The following HS3ST4 variants were observed in gnomAD, a reference collection of about 807,000 sequenced individuals.
The protein encoded by HS3ST4 is heparan sulfate-glucosamine 3-sulfotransferase 4.
A neutral mutation model predicts 29.2 loss-of-function variants in HS3ST4; 17 were observed. The ratio of observed to expected loss-of-function variants is 0.58; its 90% CI spans 0.40 to 0.87. The LOEUF is 0.87. Ranked by LOEUF, HS3ST4 falls within the 40% of genes least tolerant of loss-of-function variation. HS3ST4 has a pLI of 0.00. For missense variants in HS3ST4, 627 were observed against 634.5 expected (o/e 0.99, Z 0.13); for synonymous variants, 314 against 285.7 (o/e 1.10, Z -1.00).
rs114180914 is a variant in HS3ST4 at position 25,903,533 on chromosome 16, C to T, written c.734+210382C>T. Among the ~76,000 whole-genome samples the T allele has an allele frequency of 4.0e-3, 612 of 152,120 alleles. 4 individuals are homozygous for T. The highest frequency in any genetic ancestry group is 0.014 in the African/African-American group (575 of 41,492). On this transcript the variant is annotated intron_variant, in intron 1 of 1. Coordinates refer to ENST00000331351, the MANE Select transcript of HS3ST4 (RefSeq NM_006040.3). The stretch of plus-strand genomic sequence containing the variant: ...GCCCTTCAACTTTGCACAGTCCATT[C>T]TCAGGGCATCCCTTGTAGATCCACA...
At chr16:25,938,685 A>G (rs1968542436) in intron 1 of HS3ST4, among the ~76,000 whole-genome samples, 1 of 151,636 alleles carries the variant, frequency 6.6e-6, no homozygotes, top group African/African-American at 2.4e-5. Context: ...TGCACCTGGT[A>G]TTTCCTTGGC....
In HS3ST4 at chr16:26,036,021, C is replaced by T. The variant is rs572584137; in HGVS notation, c.735-99591C>T. On this transcript the variant is annotated intron_variant, in intron 1 of 1. Coordinates refer to ENST00000331351, the MANE Select transcript of HS3ST4 (RefSeq NM_006040.3). ...GCAGGTGTTCACTGAAAGTCTCTCT[C>T]TCCAAGAGAAGCAGCCTCTCAATGG... Among the ~76,000 whole-genome samples, 3 of 152,350 alleles carry T rather than the reference C, an allele frequency of 2.0e-5. No individual in the cohort carries two copies. In the South Asian group the frequency reaches 6.2e-4, roughly 32 times the overall value.
intron 1 of HS3ST4, chr16:26,025,257 C>T (rs768527810): frequency 2.6e-5 from 4 of 154,454 alleles, no homozygotes; most frequent in African/African-American, 7.2e-5. Context: ...AAAGTAACTG[C>T]GGTTTTTGCC....
intron 1 of HS3ST4, among the ~76,000 whole-genome samples, chr16:25,794,080 A>G (rs1238580261): frequency 6.6e-6 from 1 of 151,798 alleles, no homozygotes; most frequent in Non-Finnish European, 1.5e-5. Flanking sequence ...AATTTACGCT[A>G]TTTCTCTTCT....
intron 1 of HS3ST4, among the ~76,000 whole-genome samples, chr16:26,115,322 G>T (rs867797143): frequency 6.8e-6 from 1 of 146,038 alleles, no homozygotes; most frequent in Middle Eastern, 3.5e-3. Context: ...TCAGAAAGAT[G>T]CCAACATGAG....
intron 1 of HS3ST4, among the ~76,000 whole-genome samples, chr16:25,828,284 CTTT>C (rs1567249429): frequency 6.6e-4 from 59 of 89,486 alleles, no homozygotes; most frequent in East Asian, 3.2e-3. Flanking sequence ...TTCTTTCTTT[CTTT>C]CTTTCTTTCT....
intron 1 of HS3ST4, among the ~76,000 whole-genome samples, chr16:25,986,961 G>C (rs1308608253): frequency 6.6e-6 from 1 of 152,230 alleles, no homozygotes; most frequent in Non-Finnish European, 1.5e-5. Context: ...GAAACAGGTT[G>C]TTAATCGGTC....
chr16:26,028,468 GTTTATCACTGT>G (rs1265136478), intron 1 of HS3ST4, among the ~76,000 whole-genome samples: 3 of 152,236 alleles, frequency 2.0e-5, no homozygotes, highest in East Asian at 1.9e-4. Flanking sequence ...TGTAGAGATG[GTTTATCACTGT>G]GTTGCCCAGG....
intron 1 of HS3ST4, among the ~76,000 whole-genome samples, chr16:25,885,207 A>C (rs1444323311): frequency 6.6e-6 from 1 of 152,200 alleles, no homozygotes; most frequent in African/African-American, 2.4e-5. Context: ...TGTTTATCAA[A>C]GGCAGAAAAG....
intron 1 of HS3ST4, among the ~76,000 whole-genome samples, chr16:25,820,028 A>C (rs924951848): frequency 2.8e-5 from 3 of 105,842 alleles, no homozygotes; most frequent in South Asian, 5.4e-4. Context: ...AAAAAAAAAA[A>C]AAAAAAAAAA....
intron 1 of HS3ST4, among the ~76,000 whole-genome samples, chr16:26,067,386 A>G (rs1898555003): frequency 6.6e-6 from 1 of 152,102 alleles, no homozygotes; most frequent in Non-Finnish European, 1.5e-5. Context: ...CTGCTAGGTC[A>G]TGTCCCAAGG....
rs140282660 is a variant in HS3ST4, at chr16:25,818,031, C to T, written c.734+124880C>T. ...ACACCACTGTCTCGCGGCAAGCCAG[C>T]CTACTTCTTCCAGCCAAGGTTTCTT... is the stretch of plus-strand genomic sequence containing the variant. On this transcript the variant is annotated intron_variant, in intron 1 of 1. Coordinates refer to ENST00000331351, the MANE Select transcript of HS3ST4 (RefSeq NM_006040.3). Among the ~76,000 whole-genome samples the T allele has an allele frequency of 3.9e-3, 594 of 152,290 alleles. 1 individual carries two copies. Among genetic ancestry groups the T allele is most frequent in the Middle Eastern group, 6.8e-3 (2 of 294 alleles).
In HS3ST4 at chr16:26,101,493, G is replaced by A. The variant is rs143947723; in HGVS notation, c.735-34119G>A. ...GAACTTGTCCATCATCCCAGTGTCC[G>A]GGATGTGGAATGTGCTCAGTAAACA... On this transcript the variant is annotated intron_variant, in intron 1 of 1. Transcript: ENST00000331351. 1.6e-3 allele frequency among the ~76,000 whole-genome samples: 251 copies of A among 152,306 alleles called. 1 individual carries two copies. The highest frequency in any genetic ancestry group is 2.8e-3 in the Non-Finnish European group (191 of 68,022).
At chr16:25,921,127 T>C (rs1968347640) in intron 1 of HS3ST4, among the ~76,000 whole-genome samples, 2 of 152,230 alleles carry the variant, frequency 1.3e-5, no homozygotes, top group South Asian at 4.1e-4. Flanking sequence ...TTGTTTCTCT[T>C]GTTTACTACC....
In HS3ST4 at chr16:25,857,902, TCCTTCCTTCCTTC is replaced by T. The variant is rs1967592137; in HGVS notation, c.734+164753_734+164765del. Reference sequence around the variant, plus strand: ...TCTTTCTTTCTTTCTTTTTCTTTCTTCCTTCCTTCCTTCCTTCCTTTCTTTCTTTCTTTCTTTC... The same window carrying T: ...TCTTTCTTTCTTTCTTTTTCTTTCTTCTTCCTTTCTTTCTTTCTTTCTTTC... On this transcript the variant is annotated intron_variant, in intron 1 of 1. Transcript: ENST00000331351. Among the ~76,000 whole-genome samples the T allele has an allele frequency of 1.7e-4, 13 of 75,424 alleles. No individual in the cohort carries two copies. The South Asian group carries it at 4.9e-3, about 28-fold the overall frequency. 49.5% of individuals were successfully genotyped at this position (75,424 alleles called of 152,430 possible). A position where few individuals can be genotyped will look rare whatever the true frequency, so the allele number is the denominator to read the frequency against.
Position 25,970,737 on chromosome 16 carries a change from C to T in HS3ST4, c.735-164875C>T, listed in dbSNP as rs115843491. Among the ~76,000 whole-genome samples, 944 of 152,112 alleles carry T rather than the reference C, an allele frequency of 6.2e-3. 11 individuals carry two copies. The highest frequency in any genetic ancestry group is 0.022 in the African/African-American group (902 of 41,484). On this transcript the variant is annotated intron_variant, in intron 1 of 1. Coordinates refer to ENST00000331351, the MANE Select transcript of HS3ST4 (RefSeq NM_006040.3). The stretch of plus-strand genomic sequence containing the variant: ...ACTTGCTTGTTGTCTAGGTTGGTCT[C>T]GAACTCCTGGCCTCAAGTGATCCTC...
At chr16:25,860,646 G>C (rs1413842784) in intron 1 of HS3ST4, among the ~76,000 whole-genome samples, 1 of 152,198 alleles carries the variant, frequency 6.6e-6, no homozygotes, top group Admixed American at 6.5e-5. Flanking sequence ...TGATCTGACT[G>C]CATGACATTC....
chr16:25,909,161 G>A (rs1039683518), intron 1 of HS3ST4, among the ~76,000 whole-genome samples: 1 of 152,172 alleles, frequency 6.6e-6, no homozygotes, highest in Non-Finnish European at 1.5e-5. Context: ...GTAGGTCTGG[G>A]ATGGGGCTGG....
chr16:25,703,042 C>G (rs1966346210), intron 1 of HS3ST4, among the ~76,000 whole-genome samples: 1 of 152,068 alleles, frequency 6.6e-6, no homozygotes, highest in South Asian at 2.1e-4. Flanking sequence ...GCCTGTAATC[C>G]CTGCTACTCA....
Sources: allele counts gnomAD v4.1 joint callset (sites outside exome capture counted in the v4.1 genomes callset), GRCh38; gene constraint gnomAD v4.1.1; transcripts MANE v1.5; gene names NCBI Gene and HGNC (gene_info 2026-07-23, HGNC 2026-07-21).